The following ADAMTS12 variants were observed in gnomAD, a reference collection of about 807,000 sequenced individuals.
ADAMTS12 encodes A disintegrin and metalloproteinase with thrombospondin motifs 12.
ADAMTS12 carries 118 observed loss-of-function variants against 167.8 expected under a neutral mutation model. That is an observed-to-expected ratio of 0.70 (90% CI 0.61 to 0.82). The LOEUF (loss-of-function observed/expected upper bound fraction) is 0.82. Ranked by LOEUF, ADAMTS12 falls within the 40% of genes least tolerant of loss-of-function variation. The probability of loss-of-function intolerance (pLI) is 0.00; values close to 1 mark genes in which losing one functional copy is unlikely to be tolerated. For synonymous variants in ADAMTS12, 704 were observed against 716.9 expected, an observed-to-expected ratio of 0.98 and a Z score of 0.29; for missense variants, 1,916 against 1,998.8, an observed-to-expected ratio of 0.96 and a Z score of 0.79.
chr5:33,848,432 T>C (rs1749028629), intron 2 of ADAMTS12, among the ~76,000 whole-genome samples: 1 of 152,144 alleles, frequency 6.6e-6, no homozygotes. Flanking sequence ...TGAATGTGAA[T>C]GTGAAATGTT....
intron 2 of ADAMTS12, among the ~76,000 whole-genome samples, chr5:33,793,116 C>T (rs995013272): frequency 4.6e-5 from 7 of 152,244 alleles, no homozygotes; most frequent in African/African-American, 1.2e-4. Flanking sequence ...TTGGCCACCA[C>T]GGCTCTTCCT....
chr5:33,537,129 T>G (rs1161848734), intron 22 of ADAMTS12, among the ~76,000 whole-genome samples: 1 of 152,194 alleles, frequency 6.6e-6, no homozygotes, highest in Non-Finnish European at 1.5e-5. Flanking sequence ...CACACAAATC[T>G]TGCTCAGAGG....
intron 9 of ADAMTS12, among the ~76,000 whole-genome samples, chr5:33,645,887 C>T (rs947810599): frequency 6.6e-6 from 1 of 152,132 alleles, no homozygotes; most frequent in Non-Finnish European, 1.5e-5. Flanking sequence ...TAAAAATTTC[C>T]TCACAGAGCT....
chr5:33,623,583 A>G (rs1292642673), intron 14 of ADAMTS12, among the ~76,000 whole-genome samples: 4 of 152,186 alleles, frequency 2.6e-5, no homozygotes, highest in Non-Finnish European at 4.4e-5. Flanking sequence ...AACTCTGCAA[A>G]AGGTGACTAT....
At chr5:33,828,901 T>C (rs919462954) in intron 2 of ADAMTS12, among the ~76,000 whole-genome samples, 2 of 152,184 alleles carry the variant, frequency 1.3e-5, no homozygotes, top group Non-Finnish European at 2.9e-5. Context: ...GCCCCTGTGT[T>C]GCAGTTACTA....
At chr5:33,888,862 C>T (rs1307219682) in intron 1 of ADAMTS12, among the ~76,000 whole-genome samples, 1 of 152,216 alleles carries the variant, frequency 6.6e-6, no homozygotes, top group Non-Finnish European at 1.5e-5. Context: ...TATATCACAA[C>T]TGAGCAATGT....
chr5:33,600,312 TGTACTCTAAACAGGA>T (rs1248825760), intron 16 of ADAMTS12, among the ~76,000 whole-genome samples: 1 of 152,102 alleles, frequency 6.6e-6, no homozygotes, highest in Non-Finnish European at 1.5e-5. Flanking sequence ...AACGTCTTCC[TGTACTCTAAACAGGA>T]GTACTCATCT....
At chr5:33,611,472 C>T (rs569218259) in intron 16 of ADAMTS12, among the ~76,000 whole-genome samples, 37 of 151,298 alleles carry the variant, frequency 2.4e-4, no homozygotes, top group African/African-American at 5.6e-4. Flanking sequence ...CTCAGTAAAA[C>T]GAAAATAACA....
intron 3 of ADAMTS12, among the ~76,000 whole-genome samples, chr5:33,718,332 T>C (rs1743684853): frequency 6.6e-6 from 1 of 152,152 alleles, no homozygotes; most frequent in African/African-American, 2.4e-5. Flanking sequence ...ACCAGAATGG[T>C]CCATGGTCTG....
At chr5:33,597,866 C>T (rs942887144) in intron 16 of ADAMTS12, among the ~76,000 whole-genome samples, 3 of 152,036 alleles carry the variant, frequency 2.0e-5, no homozygotes, top group Non-Finnish European at 4.4e-5. Context: ...TTCATTAAAG[C>T]TTGGGTGGTT....
intron 23 of ADAMTS12, among the ~76,000 whole-genome samples, chr5:33,528,465 C>T (rs1391042061): frequency 2.0e-5 from 3 of 152,168 alleles, no homozygotes; most frequent in Admixed American, 6.5e-5. Flanking sequence ...AGTTTTAAAC[C>T]CGAGTGTCGG....
At chr5:33,725,841 C>A (rs1193788820) in intron 3 of ADAMTS12, among the ~76,000 whole-genome samples, 1 of 152,180 alleles carries the variant, frequency 6.6e-6, no homozygotes, top group African/African-American at 2.4e-5. Context: ...TTCTTGGGTT[C>A]CACTCAAGGC....
intron 19 of ADAMTS12, among the ~76,000 whole-genome samples, chr5:33,567,805 C>T (rs1163108784): frequency 2.6e-5 from 4 of 152,100 alleles, no homozygotes; most frequent in Non-Finnish European, 5.9e-5. Context: ...ACATAACTGG[C>T]ATTATTTTCA....
At chr5:33,872,512 A>G (rs1580008908) in intron 2 of ADAMTS12, among the ~76,000 whole-genome samples, 1 of 151,610 alleles carries the variant, frequency 6.6e-6, no homozygotes, top group Non-Finnish European at 1.5e-5. Context: ...GTGCTACTGC[A>G]CTCCAGCTTG....
At chr5:33,715,268 T>G (rs1194682443) in intron 3 of ADAMTS12, among the ~76,000 whole-genome samples, 3 of 152,040 alleles carry the variant, frequency 2.0e-5, no homozygotes, top group Non-Finnish European at 2.9e-5. Context: ...AACTAATGTT[T>G]ACAAAACCAT....
chr5:33,850,341 G>C, intron 2 of ADAMTS12, among the ~76,000 whole-genome samples: 1 of 152,192 alleles, frequency 6.6e-6, no homozygotes, highest in East Asian at 1.9e-4. Context: ...GCTGGCCACG[G>C]CGACCTCTGG....
Position 33,674,456 on chromosome 5 carries a change from A to G in ADAMTS12, c.915+8562T>C, listed in dbSNP as rs187026804. Among the ~76,000 whole-genome samples, 51 of 152,230 alleles carry G rather than the reference A, an allele frequency of 3.4e-4. No individual in the cohort carries two copies. In the East Asian group the frequency reaches 9.8e-3, roughly 29 times the overall value. On this transcript the variant is annotated intron_variant, in intron 5 of 23. Transcript: ENST00000504830. Reference sequence around the variant, plus strand: ...CTTTGAAGGATGTTGTAAAGGAAACAGCCTTAGAAGATAGTCTTTTTCCAG... The same window carrying G: ...CTTTGAAGGATGTTGTAAAGGAAACGGCCTTAGAAGATAGTCTTTTTCCAG...
intron 1 of ADAMTS12, among the ~76,000 whole-genome samples, chr5:33,888,592 CCT>C (rs1186504492): frequency 2.6e-5 from 4 of 152,024 alleles, no homozygotes; most frequent in Admixed American, 2.0e-4. Flanking sequence ...TGCAACATTC[CCT>C]CTGTTTCTTG....
intron 17 of ADAMTS12, among the ~76,000 whole-genome samples, chr5:33,591,890 A>G (rs1747659319): frequency 6.6e-6 from 1 of 152,218 alleles, no homozygotes; most frequent in East Asian, 1.9e-4. Context: ...TAAACCTCCT[A>G]CATTGGCACT....
Sources: gnomAD v4.1 joint callset for allele counts (sites outside exome capture counted in the v4.1 genomes callset) on GRCh38, gnomAD v4.1.1 for gene constraint, MANE v1.5 for transcripts, NCBI Gene and HGNC (gene_info 2026-07-23, HGNC 2026-07-21) for gene names.